Variants in CDH12 observed in about 807,000 individuals in gnomAD.
CDH12 encodes the protein cadherin-12.
Under a neutral mutation model 74.1 loss-of-function variants are expected in CDH12, and 41 were observed. The ratio of observed to expected loss-of-function variants is 0.55; its 90% CI spans 0.43 to 0.72. The LOEUF (loss-of-function observed/expected upper bound fraction) is 0.72, where lower values mean the gene tolerates loss of function less well. Among genes scored for constraint, CDH12 ranks in the 30% least tolerant of loss-of-function variants. The probability of loss-of-function intolerance (pLI) is 0.00; values close to 1 mark genes in which losing one functional copy is unlikely to be tolerated. For missense variants in CDH12, 945 were observed against 977.2 expected, an observed-to-expected ratio of 0.97 and a Z score of 0.44; for synonymous variants, 399 against 355.0, an observed-to-expected ratio of 1.12 and a Z score of -1.39.
At chr5:22,100,709 C>T (rs898578844) in intron 4 of CDH12, among the ~76,000 whole-genome samples, 1 of 144,476 alleles carries the variant, frequency 6.9e-6, no homozygotes, top group Non-Finnish European at 1.5e-5. Flanking sequence ...ATTTAGATAA[C>T]CCATTCTACT....
chr5:22,311,504 C>A (rs1223166093), intron 3 of CDH12, among the ~76,000 whole-genome samples: 1 of 151,854 alleles, frequency 6.6e-6, no homozygotes, highest in Non-Finnish European at 1.5e-5. Context: ...GAGTTAGAGA[C>A]CAGCCTGACC....
chr5:22,670,900 T>C (rs998412775), intron 1 of CDH12, among the ~76,000 whole-genome samples: 2 of 151,962 alleles, frequency 1.3e-5, no homozygotes, highest in African/African-American at 4.8e-5. Context: ...TTTTTTTCTT[T>C]TAAAAATTCT....
chr5:22,819,893 TAA>T (rs930416387), intron 1 of CDH12, among the ~76,000 whole-genome samples: 5 of 148,524 alleles, frequency 3.4e-5, no homozygotes, highest in Admixed American at 1.4e-4. Context: ...TATCCAGATA[TAA>T]GATATCTAGA....
At chr5:22,290,316 C>T (rs1187056140) in intron 3 of CDH12, among the ~76,000 whole-genome samples, 1 of 152,006 alleles carries the variant, frequency 6.6e-6, no homozygotes, top group African/African-American at 2.4e-5. Context: ...GATTGATTGA[C>T]TTTCTCACAA....
intron 1 of CDH12, among the ~76,000 whole-genome samples, chr5:22,566,561 T>C: frequency 6.6e-6 from 1 of 152,136 alleles, no homozygotes; most frequent in East Asian, 1.9e-4. Context: ...TAATTATTCA[T>C]TTTGTAGCAT....
At chr5:22,823,373 TAAAGTA>T in intron 1 of CDH12, among the ~76,000 whole-genome samples, 1 of 152,136 alleles carries the variant, frequency 6.6e-6, no homozygotes, top group African/African-American at 2.4e-5. Flanking sequence ...TCCTAAAACT[TAAAGTA>T]TAATAATAAT....
intron 3 of CDH12, among the ~76,000 whole-genome samples, chr5:22,225,193 T>G (rs532566542): frequency 6.6e-6 from 1 of 152,088 alleles, no homozygotes; most frequent in South Asian, 2.1e-4. Context: ...TTGTGACAAT[T>G]TTATTGACTA....
rs563206633 is a variant in CDH12 at position 22,152,016 on chromosome 5, C to G, written c.-187+60482G>C. On this transcript the variant is annotated intron_variant, in intron 4 of 14. Coordinates refer to ENST00000382254, the MANE Select transcript of CDH12 (RefSeq NM_004061.5). ...GGAAAGGTAAGCACATAGCTAACTC[C>G]AGCTCCAAGCTGCTATTTCATGATA... The G allele has an allele frequency of 5.3e-5, 8 of 152,012 alleles. No individual in the cohort carries two copies. The South Asian group carries it at 1.7e-3, about 32-fold the overall frequency. 9.4% of individuals were successfully genotyped at this position (152,012 alleles called of 1,614,324 possible). A position where few individuals can be genotyped will look rare whatever the true frequency, so the allele number is the denominator to read the frequency against.
intron 6 of CDH12, among the ~76,000 whole-genome samples, chr5:21,959,752 C>CAAAAAAA (rs1176227757): frequency 3.7e-5 from 3 of 80,832 alleles, no homozygotes; most frequent in African/African-American, 1.4e-4. Context: ...TACTAAAATC[C>CAAAAAAA]AAAAAAAAAA....
intron 7 of CDH12, among the ~76,000 whole-genome samples, chr5:21,844,912 T>C (rs1019305119): frequency 6.6e-6 from 1 of 152,126 alleles, no homozygotes; most frequent in African/African-American, 2.4e-5. Flanking sequence ...TCGAAGACTA[T>C]CTTCAATAAT....
intron 3 of CDH12, among the ~76,000 whole-genome samples, chr5:22,301,778 C>T (rs188611348): frequency 1.4e-4 from 22 of 152,044 alleles, no homozygotes; most frequent in African/African-American, 4.6e-4. Context: ...ACCACAGGAA[C>T]ATGCCACCAT....
At position 22,698,122 on chromosome 5, in the gene CDH12, C is replaced by CTTTTTTTTTTTTTT. The variant is rs10677695; in HGVS notation, c.-523+154922_-523+154935dup. Among the ~76,000 whole-genome samples the CTTTTTTTTTTTTTT allele has an allele frequency of 1.3e-4, 12 of 91,180 alleles. 1 individual carries two copies. The highest frequency in any genetic ancestry group is 1.7e-4 in the Admixed American group (1 of 5,944). 59.8% of individuals were successfully genotyped at this position (91,180 alleles called of 152,430 possible). A position where few individuals can be genotyped will look rare whatever the true frequency, so the allele number is the denominator to read the frequency against. ...CCTTAATGCCCGCATAAAGGCAGGG[C>CTTTTTTTTTTTTTT]TTTTTTTTTTTTTTTTGAGATGGAG... On this transcript the variant is annotated intron_variant, in intron 1 of 14. Transcript: ENST00000382254.
chr5:22,095,924 C>T (rs1483598481), intron 4 of CDH12, among the ~76,000 whole-genome samples: 1 of 151,336 alleles, frequency 6.6e-6, no homozygotes, highest in East Asian at 2.0e-4. Context: ...AACCTCTTAT[C>T]TCTGCACCCT....
intron 2 of CDH12, among the ~76,000 whole-genome samples, chr5:22,417,978 C>T (rs1390936473): frequency 1.3e-5 from 2 of 152,008 alleles, no homozygotes; most frequent in Admixed American, 1.3e-4. Context: ...TTTTTAAAAA[C>T]TTTATTTAAT....
intron 3 of CDH12, among the ~76,000 whole-genome samples, chr5:22,252,584 A>G (rs1379152103): frequency 6.6e-6 from 1 of 152,072 alleles, no homozygotes; most frequent in Non-Finnish European, 1.5e-5. Context: ...GCCTATATCC[A>G]AATCACCAAA....
At chr5:21,790,890 CAG>C (rs1420446637) in intron 10 of CDH12, among the ~76,000 whole-genome samples, 1 of 152,004 alleles carries the variant, frequency 6.6e-6, no homozygotes, top group East Asian at 1.9e-4. Flanking sequence ...CAAACTCGTA[CAG>C]TACAAACCAT....
At chr5:22,608,836 T>C (rs544393369) in intron 1 of CDH12, among the ~76,000 whole-genome samples, 7 of 152,328 alleles carry the variant, frequency 4.6e-5, no homozygotes, top group African/African-American at 1.7e-4. Flanking sequence ...CCTTCCACCA[T>C]GATTCTAAGT....
At chr5:22,421,774 C>T (rs1743663517) in intron 2 of CDH12, among the ~76,000 whole-genome samples, 1 of 152,200 alleles carries the variant, frequency 6.6e-6, no homozygotes, top group African/African-American at 2.4e-5. Context: ...CTGTCTTCCA[C>T]AATGGTTGAA....
At chr5:21,769,418 T>C (rs577757797) in intron 11 of CDH12, among the ~76,000 whole-genome samples, 10 of 152,140 alleles carry the variant, frequency 6.6e-5, no homozygotes, top group African/African-American at 2.4e-4. Context: ...GTTCATGGGA[T>C]AGGAGATAAA....
Sources: gnomAD v4.1 joint callset for allele counts (sites outside exome capture counted in the v4.1 genomes callset) on GRCh38, gnomAD v4.1.1 for gene constraint, MANE v1.5 for transcripts, NCBI Gene and HGNC (gene_info 2026-07-23, HGNC 2026-07-21) for gene names.